CNTNAP5: variants seen among roughly 807,000 people sequenced by gnomAD.
CNTNAP5 encodes contactin-associated protein-like 5.
A neutral mutation model predicts 150.2 loss-of-function variants in CNTNAP5; 72 were observed. That is an observed-to-expected ratio of 0.48 (90% CI 0.40 to 0.58). The LOEUF (loss-of-function observed/expected upper bound fraction) is 0.58, where lower values mean the gene tolerates loss of function less well. Among genes scored for constraint, CNTNAP5 ranks in the 20% least tolerant of loss-of-function variants. CNTNAP5 has a pLI of 0.00. For synonymous variants in CNTNAP5, 672 were observed against 619.8 expected (o/e 1.08, Z -1.25); for missense variants, 1,636 against 1,626.2 (o/e 1.01, Z -0.10).
At chr2:124,102,008 C>G (rs1683077419) in intron 1 of CNTNAP5, among the ~76,000 whole-genome samples, 1 of 152,176 alleles carries the variant, frequency 6.6e-6, no homozygotes, top group African/African-American at 2.4e-5. Flanking sequence ...TTTCCACAAC[C>G]AGCTCCAGAG....
intron 17 of CNTNAP5, among the ~76,000 whole-genome samples, chr2:124,786,554 AAAG>A (rs1681601978): frequency 6.6e-6 from 1 of 151,848 alleles, no homozygotes; most frequent in Non-Finnish European, 1.5e-5. Flanking sequence ...GAAAGGAAAG[AAAG>A]AAAGAAGACA....
chr2:124,190,360 G>C (rs1169435172), intron 1 of CNTNAP5, among the ~76,000 whole-genome samples: 3 of 152,086 alleles, frequency 2.0e-5, no homozygotes, highest in Non-Finnish European at 2.9e-5. Flanking sequence ...AATGCTAAAG[G>C]TTCCATTAGG....
At chr2:124,907,788 C>G (rs1429440721) in intron 22 of CNTNAP5, among the ~76,000 whole-genome samples, 1 of 150,478 alleles carries the variant, frequency 6.6e-6, no homozygotes, top group Non-Finnish European at 1.5e-5. Flanking sequence ...CCGAAGGTGT[C>G]CATTAAGCAT....
At chr2:124,884,872 A>T (rs1400746574) in intron 21 of CNTNAP5, among the ~76,000 whole-genome samples, 1 of 151,984 alleles carries the variant, frequency 6.6e-6, no homozygotes, top group Non-Finnish European at 1.5e-5. Context: ...GGGGGATATA[A>T]AGGGTACTTT....
At chr2:124,619,356 T>A (rs1047394715) in intron 12 of CNTNAP5, among the ~76,000 whole-genome samples, 4 of 151,922 alleles carry the variant, frequency 2.6e-5, no homozygotes, top group African/African-American at 4.8e-5. Context: ...ATAAAAGAAA[T>A]GGAGAAAGAG....
chr2:124,744,016 A>T (rs1237139287), intron 13 of CNTNAP5, among the ~76,000 whole-genome samples: 1 of 152,100 alleles, frequency 6.6e-6, no homozygotes, highest in African/African-American at 2.4e-5. Context: ...ATGGTTTAAA[A>T]TTGTAACACA....
intron 3 of CNTNAP5, among the ~76,000 whole-genome samples, chr2:124,346,928 A>AAAT (rs1689750703): frequency 6.7e-6 from 1 of 150,150 alleles, no homozygotes; most frequent in Admixed American, 6.6e-5. Flanking sequence ...AAAAAAAAAA[A>AAAT]AAAAAATAGC....
chr2:124,224,721 A>G (rs1686414025), intron 2 of CNTNAP5, among the ~76,000 whole-genome samples: 1 of 152,116 alleles, frequency 6.6e-6, no homozygotes, highest in Admixed American at 6.6e-5. Context: ...ATATATTAAG[A>G]TAAAACTTGA....
intron 1 of CNTNAP5, among the ~76,000 whole-genome samples, chr2:124,090,239 T>C (rs1252277722): frequency 6.6e-6 from 1 of 152,180 alleles, no homozygotes; most frequent in Non-Finnish European, 1.5e-5. Context: ...CACAAATTAA[T>C]CAGTTTCGGC....
At chr2:124,773,945 TGTGAGAGA>T (rs1351597653) in intron 17 of CNTNAP5, among the ~76,000 whole-genome samples, 3 of 106,360 alleles carry the variant, frequency 2.8e-5, no homozygotes, top group Admixed American at 9.9e-5. Flanking sequence ...TGTGTGTGTG[TGTGAGAGA>T]GAGAGAGAGA....
rs116952850 is a variant in CNTNAP5 at position 124,196,219 on chromosome 2, C to A, written c.83-25486C>A. ...AGCTGTCACGCAATGAAAGTCTGTCCCTAGGTGAGAAGGGCTAAGGGATAA... is the reference window on the plus strand; with the variant it reads ...AGCTGTCACGCAATGAAAGTCTGTCACTAGGTGAGAAGGGCTAAGGGATAA... On this transcript the variant is annotated intron_variant, in intron 1 of 23. Coordinates refer to ENST00000682447, the MANE Select transcript of CNTNAP5 (RefSeq NM_001367498.1). Among the ~76,000 whole-genome samples, 20 of 152,094 alleles carry A rather than the reference C, an allele frequency of 1.3e-4. No homozygotes were observed. The East Asian group carries it at 3.9e-3, about 30-fold the overall frequency.
intron 6 of CNTNAP5, among the ~76,000 whole-genome samples, chr2:124,454,260 T>G (rs150535280): frequency 2.0e-3 from 311 of 152,168 alleles, no homozygotes; most frequent in Admixed American, 3.7e-3. Flanking sequence ...ATTCTTATAT[T>G]AGACAAAACA....
chr2:124,657,345 C>T (rs529437781), intron 13 of CNTNAP5, among the ~76,000 whole-genome samples: 32 of 152,286 alleles, frequency 2.1e-4, no homozygotes, highest in African/African-American at 7.7e-4. Context: ...TCAGTAAATG[C>T]TACCTTCATC....
chr2:124,036,430 G>A (rs1023364092), intron 1 of CNTNAP5, among the ~76,000 whole-genome samples: 3 of 151,916 alleles, frequency 2.0e-5, no homozygotes, highest in Non-Finnish European at 2.9e-5. Context: ...CCCCTGTTAC[G>A]GTCACCTGGG....
At chr2:124,456,458 G>A (rs1353759669) in intron 6 of CNTNAP5, among the ~76,000 whole-genome samples, 1 of 152,206 alleles carries the variant, frequency 6.6e-6, no homozygotes, top group African/African-American at 2.4e-5. Context: ...GCTCATGAAT[G>A]GGTAGAATCA....
chr2:124,735,211 T>C lies in CNTNAP5; in HGVS notation c.2078-12018T>C, dbSNP rs138641080. 5.8e-4 allele frequency among the ~76,000 whole-genome samples: 89 copies of C among 152,228 alleles called. 2 individuals are homozygous for C. Among genetic ancestry groups the C allele is most frequent in the Admixed American group, 3.1e-3 (47 of 15,264 alleles). On this transcript the variant is annotated intron_variant, in intron 13 of 23. Coordinates refer to ENST00000682447, the MANE Select transcript of CNTNAP5 (RefSeq NM_001367498.1). Reference sequence around the variant, plus strand: ...AACAAACAAACAAACAAATAAAACATGTCCGTAAGACATCCCAGATCATTC... The same window carrying C: ...AACAAACAAACAAACAAATAAAACACGTCCGTAAGACATCCCAGATCATTC...
chr2:124,900,721 A>C lies in CNTNAP5; in HGVS notation c.3437-2161A>C, dbSNP rs1351865726. On this transcript the variant is annotated intron_variant, in intron 21 of 23. Coordinates refer to ENST00000682447, the MANE Select transcript of CNTNAP5 (RefSeq NM_001367498.1). ...CTGGGAATGAGAGCTGGCAATGTTG[A>C]CTTAGATCCTTCAGGCAGAACTACA... Among the ~76,000 whole-genome samples, 4 of 151,570 alleles carry C rather than the reference A, an allele frequency of 2.6e-5. 1 individual carries two copies. The highest frequency in any genetic ancestry group is 9.8e-5 in the African/African-American group (4 of 40,924).
At chr2:124,268,549 A>G (rs1687669685) in intron 3 of CNTNAP5, among the ~76,000 whole-genome samples, 1 of 152,218 alleles carries the variant, frequency 6.6e-6, no homozygotes, top group Admixed American at 6.5e-5. Flanking sequence ...TAAATGTTAT[A>G]AATGATGCTA....
intron 3 of CNTNAP5, among the ~76,000 whole-genome samples, chr2:124,263,443 C>T (rs1397948048): frequency 2.6e-5 from 4 of 152,096 alleles, no homozygotes; most frequent in Admixed American, 6.6e-5. Flanking sequence ...TGCATAAAGA[C>T]GTCTTCTTTT....
Sources: gnomAD v4.1 joint callset for allele counts (sites outside exome capture counted in the v4.1 genomes callset) on GRCh38, gnomAD v4.1.1 for gene constraint, MANE v1.5 for transcripts, NCBI Gene and HGNC (gene_info 2026-07-23, HGNC 2026-07-21) for gene names.